Variants in MED13L observed in about 807,000 individuals in gnomAD.
MED13L encodes the protein mediator complex subunit 13L.
Under a neutral mutation model 220.9 loss-of-function variants are expected in MED13L, and 7 were observed. That is an observed-to-expected ratio of 0.03 (90% CI 0.02 to 0.06). The LOEUF is 0.06. MED13L is among the 10% of genes least tolerant of loss of function. MED13L has a pLI of 1.00. For missense variants in MED13L, 1,965 were observed against 2,760.5 expected, an observed-to-expected ratio of 0.71 and a Z score of 6.46; for synonymous variants, 1,011 against 1,015.2, an observed-to-expected ratio of 1.00 and a Z score of 0.08.
At chr12:116,086,512 C>T (rs1395843789) in intron 4 of MED13L, among the ~76,000 whole-genome samples, 2 of 152,088 alleles carry the variant, frequency 1.3e-5, no homozygotes, top group African/African-American at 4.8e-5. Context: ...AAACTCCCGA[C>T]CTCAAGTGAT....
chr12:116,053,455 G>A (rs1035886191), intron 4 of MED13L, among the ~76,000 whole-genome samples: 10 of 152,194 alleles, frequency 6.6e-5, no homozygotes, highest in Admixed American at 3.9e-4. Context: ...TTAGGATTCG[G>A]ATAATATGAG....
rs2137265657 is a variant in MED13L, at chr12:115,981,062, C to T, written c.5176-124G>A. 8.0e-6 allele frequency: 6 copies of T among 749,962 alleles called. No homozygotes were observed. In the East Asian group the frequency reaches 1.3e-4, roughly 17 times the overall value. The allele number at this position is 749,962 out of a possible 1,614,324, so 46.5% of individuals were successfully genotyped here. ...CCTTACCACAATGGGGAGAGGTAAC[C>T]TCAGCCTTAAAATATATCTGTGCCA... On this transcript the variant is annotated intron_variant, in intron 22 of 30. Transcript: ENST00000281928.
intron 2 of MED13L, among the ~76,000 whole-genome samples, chr12:116,177,606 A>G (rs893361918): frequency 6.6e-5 from 10 of 152,180 alleles, no homozygotes; most frequent in African/African-American, 2.4e-4. Context: ...CTTTACATTG[A>G]TATTATTTAC....
intron 1 of MED13L, among the ~76,000 whole-genome samples, chr12:116,266,993 C>T (rs1349657736): frequency 6.6e-6 from 1 of 152,218 alleles, no homozygotes; most frequent in Non-Finnish European, 1.5e-5. Flanking sequence ...CAAACTAAAA[C>T]ATGATTTAGT....
chr12:116,208,160 C>T (rs183128979), intron 2 of MED13L, among the ~76,000 whole-genome samples: 8 of 152,164 alleles, frequency 5.3e-5, no homozygotes, highest in East Asian at 3.9e-4. Flanking sequence ...TTTGGGAGGC[C>T]GAGACAGGAG....
intron 25 of MED13L, among the ~76,000 whole-genome samples, chr12:115,972,804 T>C (rs1470065114): frequency 6.6e-6 from 1 of 152,226 alleles, no homozygotes; most frequent in Non-Finnish European, 1.5e-5. Flanking sequence ...ATTGAAATGT[T>C]GGCATAAATT....
chr12:116,226,552 C>G (rs573831240), intron 2 of MED13L, among the ~76,000 whole-genome samples: 14 of 152,134 alleles, frequency 9.2e-5, no homozygotes, highest in Non-Finnish European at 1.8e-4. Context: ...CAACAGAATC[C>G]AATTTCATGA....
chr12:116,016,131 C>T (rs967693445), intron 7 of MED13L, among the ~76,000 whole-genome samples: 11 of 152,064 alleles, frequency 7.2e-5, no homozygotes, highest in Non-Finnish European at 1.5e-4. Context: ...ACCTATTTGA[C>T]TTAGTAAGTA....
At chr12:116,276,710 C>T in intron 1 of MED13L, 1 of 1,148,892 alleles carries the variant, frequency 8.7e-7, no homozygotes, top group Non-Finnish European at 1.1e-6. Flanking sequence ...TCCACATTTA[C>T]GGGGGGAAAA....
intron 9 of MED13L, among the ~76,000 whole-genome samples, chr12:116,011,216 T>C (rs1189188504): frequency 6.6e-6 from 1 of 151,982 alleles, no homozygotes; most frequent in Non-Finnish European, 1.5e-5. Context: ...TCCCCCAAAA[T>C]ACAAGACTAT....
chr12:116,054,764 T>C (rs777159860), intron 4 of MED13L, among the ~76,000 whole-genome samples: 3 of 152,204 alleles, frequency 2.0e-5, no homozygotes, highest in Non-Finnish European at 4.4e-5. Flanking sequence ...AGAATCTAAG[T>C]TGGTACAGCC....
intron 22 of MED13L, 22 bp from the exon 23 acceptor site, chr12:115,980,960 A>G: frequency 6.2e-7 from 1 of 1,600,458 alleles, no homozygotes; most frequent in Non-Finnish European, 8.5e-7. Flanking sequence ...AATACAAAAA[A>G]AAAACAAAAA....
intron 1 of MED13L, among the ~76,000 whole-genome samples, chr12:116,251,525 C>T (rs1271212571): frequency 2.7e-5 from 4 of 147,288 alleles, no homozygotes; most frequent in African/African-American, 7.5e-5. Context: ...TTTGGGAGGC[C>T]GAGATGGGCA....
chr12:116,013,929 T>C (rs1422544574), intron 8 of MED13L, among the ~76,000 whole-genome samples: 1 of 152,002 alleles, frequency 6.6e-6, no homozygotes, highest in African/African-American at 2.4e-5. Flanking sequence ...TTGATGGTGA[T>C]TAAAAATCAA....
At chr12:116,254,727 G>C (rs1871885828) in intron 1 of MED13L, among the ~76,000 whole-genome samples, 2 of 151,440 alleles carry the variant, frequency 1.3e-5, no homozygotes, top group African/African-American at 2.5e-5. Context: ...ATTGCACCCA[G>C]CCTGGGTGAC....
At chr12:116,095,845 C>G (rs1041997786) in intron 4 of MED13L, among the ~76,000 whole-genome samples, 2 of 152,074 alleles carry the variant, frequency 1.3e-5, no homozygotes, top group African/African-American at 2.4e-5. Flanking sequence ...TGTGACTGAT[C>G]TAAAATTCCA....
chr12:116,220,914 A>G (rs1868370194), intron 2 of MED13L, among the ~76,000 whole-genome samples: 1 of 152,170 alleles, frequency 6.6e-6, no homozygotes, highest in Admixed American at 6.5e-5. Context: ...ACTACTGAAT[A>G]TACTACTGAA....
chr12:116,193,836 G>A (rs1030726759), intron 2 of MED13L, among the ~76,000 whole-genome samples: 3 of 152,166 alleles, frequency 2.0e-5, no homozygotes, highest in Non-Finnish European at 4.4e-5. Flanking sequence ...TAACTCACAA[G>A]TAAACCGATC....
intron 2 of MED13L, among the ~76,000 whole-genome samples, chr12:116,185,744 T>TG (rs1880852148): frequency 6.6e-6 from 1 of 152,014 alleles, no homozygotes; most frequent in Non-Finnish European, 1.5e-5. Context: ...TCACCCAGGC[T>TG]GGAGTGCAGT....
Sources: gnomAD v4.1 joint callset for allele counts (sites outside exome capture counted in the v4.1 genomes callset) on GRCh38, gnomAD v4.1.1 for gene constraint, MANE v1.5 for transcripts, NCBI Gene and HGNC (gene_info 2026-07-23, HGNC 2026-07-21) for gene names.